Variants in LRRC38 observed in about 807,000 individuals in gnomAD.
LRRC38 encodes the protein leucine-rich repeat-containing protein 38.
Under a neutral mutation model 16.4 loss-of-function variants are expected in LRRC38, and 5 were observed. The observed-to-expected ratio is 0.31, with a 90% CI of 0.16 to 0.64. The LOEUF is 0.64. Among genes scored for constraint, LRRC38 ranks in the 30% least tolerant of loss-of-function variants. LRRC38 has a pLI of 0.80. For missense variants in LRRC38, 341 were observed against 401.8 expected, an observed-to-expected ratio of 0.85 and a Z score of 1.29; for synonymous variants, 191 against 190.2, an observed-to-expected ratio of 1.00 and a Z score of -0.04.
intron 1 of LRRC38, among the ~76,000 whole-genome samples, chr1:13,483,650 C>T (rs962008029): frequency 5.9e-5 from 9 of 152,178 alleles, no homozygotes; most frequent in African/African-American, 2.2e-4. Flanking sequence ...AGGACGGACC[C>T]CAGGCTGGGC....
chr1:13,498,875 A>G (rs1639113349), intron 1 of LRRC38, among the ~76,000 whole-genome samples: 3 of 152,180 alleles, frequency 2.0e-5, no homozygotes, highest in African/African-American at 7.2e-5. Context: ...GGTTCTCTCC[A>G]GGGGCTGTAG....
At chr1:13,488,426 C>G (rs1638966482) in intron 1 of LRRC38, among the ~76,000 whole-genome samples, 2 of 152,102 alleles carry the variant, frequency 1.3e-5, no homozygotes, top group Admixed American at 1.3e-4. Flanking sequence ...CACTTGCCAC[C>G]ATGCCTGGCT....
At chr1:13,491,765 T>C (rs1217486564) in intron 1 of LRRC38, among the ~76,000 whole-genome samples, 1 of 152,138 alleles carries the variant, frequency 6.6e-6, no homozygotes. Flanking sequence ...AACCTCTGCC[T>C]CCCAGGTTCA....
At chr1:13,497,400 T>C (rs1307999934) in intron 1 of LRRC38, among the ~76,000 whole-genome samples, 1 of 152,148 alleles carries the variant, frequency 6.6e-6, no homozygotes, top group Admixed American at 6.5e-5. Context: ...ACACTACTTT[T>C]GGGTTCTCAG....
At chr1:13,485,363 G>A (rs1638919226) in intron 1 of LRRC38, among the ~76,000 whole-genome samples, 1 of 151,604 alleles carries the variant, frequency 6.6e-6, no homozygotes, top group Admixed American at 6.6e-5. Context: ...AGATCATGAG[G>A]TCAGGAGATT....
chr1:13,502,540 C>T (rs1376507067), intron 1 of LRRC38, among the ~76,000 whole-genome samples: 1 of 152,148 alleles, frequency 6.6e-6, no homozygotes, highest in Non-Finnish European at 1.5e-5. Flanking sequence ...TGGCCTGGAC[C>T]GTCACCCTCT....
In LRRC38 at chr1:13,498,806, A is replaced by C. The variant is rs113081728; in HGVS notation, c.631+14157T>G. Among the ~76,000 whole-genome samples, 930 of 152,192 alleles carry C rather than the reference A, an allele frequency of 6.1e-3. 1 individual carries two copies. The highest frequency in any genetic ancestry group is 8.9e-3 in the Non-Finnish European group (602 of 68,008). On this transcript the variant is annotated intron_variant, in intron 1 of 1. Transcript: ENST00000376085. ...ACCAACTGGGTGGCTTATACAACGG[A>C]AATGCTTGTCTCAGAATTCTGCAGG...
At chr1:13,480,581 G>A (rs1350979546) in intron 1 of LRRC38, among the ~76,000 whole-genome samples, 2 of 152,166 alleles carry the variant, frequency 1.3e-5, no homozygotes, top group Non-Finnish European at 2.9e-5. Flanking sequence ...CAGCTGTTAA[G>A]GTGGAGATAA....
At chr1:13,509,810 G>C (rs528853563) in intron 1 of LRRC38, among the ~76,000 whole-genome samples, 25 of 152,280 alleles carry the variant, frequency 1.6e-4, no homozygotes, top group Middle Eastern at 3.4e-3. Context: ...CAGAGGACAG[G>C]CAACTTATAC....
At chr1:13,494,147 T>C (rs1015940435) in intron 1 of LRRC38, among the ~76,000 whole-genome samples, 7 of 152,268 alleles carry the variant, frequency 4.6e-5, no homozygotes, top group African/African-American at 1.2e-4. Context: ...TACAACATGA[T>C]AGTTTGTTCC....
At chr1:13,497,280 T>C (rs1557501716) in intron 1 of LRRC38, among the ~76,000 whole-genome samples, 1 of 152,158 alleles carries the variant, frequency 6.6e-6, no homozygotes, top group Non-Finnish European at 1.5e-5. Context: ...CAGAAGAAGG[T>C]AGGAGTCAAA....
intron 1 of LRRC38, among the ~76,000 whole-genome samples, chr1:13,492,651 G>A (rs1639028072): frequency 6.6e-6 from 1 of 151,988 alleles, no homozygotes; most frequent in Non-Finnish European, 1.5e-5. Flanking sequence ...ACAGTGAGCT[G>A]AGATCGCACC....
chr1:13,498,240 A>G (rs1201982041), intron 1 of LRRC38, among the ~76,000 whole-genome samples: 1 of 124,254 alleles, frequency 8.0e-6, no homozygotes, highest in Admixed American at 8.3e-5. Flanking sequence ...AAAACAAAAC[A>G]AAACAAAACA....
intron 1 of LRRC38, among the ~76,000 whole-genome samples, chr1:13,496,419 C>G (rs557081046): frequency 6.6e-6 from 1 of 152,046 alleles, no homozygotes; most frequent in African/African-American, 2.4e-5. Flanking sequence ...GCAATCTTCC[C>G]GCCTCAGCCT....
At chr1:13,493,917 G>C (rs1639049286) in intron 1 of LRRC38, among the ~76,000 whole-genome samples, 2 of 152,146 alleles carry the variant, frequency 1.3e-5, no homozygotes, top group South Asian at 4.1e-4. Flanking sequence ...ACCAAAATTA[G>C]CTGGGTGTGC....
At chr1:13,502,693 TA>T (rs896957503) in intron 1 of LRRC38, among the ~76,000 whole-genome samples, 24 of 152,232 alleles carry the variant, frequency 1.6e-4, no homozygotes, top group African/African-American at 5.5e-4. Context: ...CATTCTCTTC[TA>T]AAGATCTTTC....
At chr1:13,485,412 C>T (rs1482328779) in intron 1 of LRRC38, among the ~76,000 whole-genome samples, 3 of 151,894 alleles carry the variant, frequency 2.0e-5, no homozygotes. Context: ...CCTGTCTCTA[C>T]TAAAATACAA....
intron 1 of LRRC38, among the ~76,000 whole-genome samples, chr1:13,495,525 G>A (rs354589): frequency 0.38 from 57,165 of 151,698 alleles, 11,594 homozygotes; most frequent in African/African-American, 0.53. Context: ...GGGTATCAAA[G>A]CAGGTGCAGT....
chr1:13,483,068 G>A (rs1033697183), intron 1 of LRRC38, among the ~76,000 whole-genome samples: 3 of 152,144 alleles, frequency 2.0e-5, no homozygotes, highest in East Asian at 1.9e-4. Context: ...TCCCAGGCAC[G>A]AGACCTAGGG....
Sources: allele counts gnomAD v4.1 joint callset (sites outside exome capture counted in the v4.1 genomes callset), GRCh38; gene constraint gnomAD v4.1.1; transcripts MANE v1.5; gene names NCBI Gene and HGNC (gene_info 2026-07-23, HGNC 2026-07-21).